Variants in SPTBN2 observed in about 807,000 individuals in gnomAD.
SPTBN2 encodes the protein spectrin beta chain, non-erythrocytic 2.
Under a neutral mutation model 284.2 loss-of-function variants are expected in SPTBN2, and 107 were observed. The ratio of observed to expected loss-of-function variants is 0.38; its 90% CI spans 0.32 to 0.44. The LOEUF (loss-of-function observed/expected upper bound fraction) is 0.44, where lower values mean the gene tolerates loss of function less well. Among genes scored for constraint, SPTBN2 ranks in the 20% least tolerant of loss-of-function variants. The pLI is 1.00. For missense variants in SPTBN2, 2,569 were observed against 3,287.1 expected (o/e 0.78, Z 5.34); for synonymous variants, 1,289 against 1,354.8 (o/e 0.95, Z 1.07).
At position 66,708,277 on chromosome 11, in the gene SPTBN2, G is replaced by A. The variant is rs1226702717; in HGVS notation, c.1214C>T (p.Ala405Val). 4.4e-6 allele frequency: 7 copies of A among 1,593,824 alleles called. No individual in the cohort carries two copies. Among genetic ancestry groups the A allele is most frequent in the East Asian group, 2.3e-5 (1 of 44,418 alleles). The change falls in exon 12 of 38, where the codon GCG becomes GTG. Residue 405 changes from alanine to valine, a missense_variant. Physicochemically the swap from Ala to Val is moderately conservative, Grantham distance 64. Coordinates refer to ENST00000533211, the MANE Select transcript of SPTBN2 (RefSeq NM_006946.4). This position sits in a 1 kb window ranked among gnomAD's most constrained non-coding sequence, Gnocchi z 4.4. ...CAGGGCCAGCTCACGCTCGTGCTCC[G>A]CCTTCTCCAGCCGCTCCCAAGCCTA... is the stretch of plus-strand genomic sequence containing the variant. ...INKAWERLEK[A>V]EHERELALRT...
intron 13 of SPTBN2, among the ~76,000 whole-genome samples, chr11:66,706,632 C>CTTTTTTTTTTTTT (rs1261017116): frequency 7.5e-6 from 1 of 133,410 alleles, no homozygotes; most frequent in Non-Finnish European, 1.6e-5. Context: ...TGCCTAGCTG[C>CTTTTTTTTTTTTT]TTTTTTTTTT....
In SPTBN2 at chr11:66,700,530, C is replaced by G. The variant is rs1194270615; in HGVS notation, c.3569G>C (p.Ser1190Thr). 6.2e-7 allele frequency: 1 copy of G among 1,603,716 alleles called. No homozygotes were observed. Among genetic ancestry groups the G allele is most frequent in the Non-Finnish European group, 8.5e-7 (1 of 1,179,986 alleles). Residue 1190 changes from serine to threonine, a missense_variant, in exon 17 of 38, where the codon AGC becomes ACC. Transcript: ENST00000533211. This position sits in a 1 kb window ranked among gnomAD's most constrained non-coding sequence, Gnocchi z 6.6. ...GACTTTGCCCTGGACTTTCACCTGG[C>G]TGCTGAGCACGCCCTCAGCCTGACG... is the stretch of plus-strand genomic sequence containing the variant. ...DARQAEGVLS[S>T]QEYVLSHTEM...
At position 66,688,219 on chromosome 11, in the gene SPTBN2, A is replaced by C. The variant is rs1565110331; in HGVS notation, c.6324T>G (p.Pro2108=). The part of the protein sequence containing the change: ...PPAPEPTASV[P]PGDLVGGQTA... ...TCTGGCCGCCCACCAGGTCCCCTGG[A>C]GGCACACTGGCTGTGGGTTCGGGAG... Residue 2108 remains proline (P), a synonymous_variant, in exon 32 of 38, where the codon CCT becomes CCG. Coordinates refer to ENST00000533211, the MANE Select transcript of SPTBN2 (RefSeq NM_006946.4). 6.2e-7 allele frequency: 1 copy of C among 1,613,726 alleles called. No individual in the cohort carries two copies. The highest frequency in any genetic ancestry group is 8.5e-7 in the Non-Finnish European group (1 of 1,180,018).
chr11:66,686,998 G>A lies in SPTBN2; in HGVS notation c.6892C>T (p.Leu2298=). ...AGCACTGTTCCCTGTTCCTACCCCA[G>A]CTTGAAGACATGTTTGCGCTTTCGG... is the stretch of plus-strand genomic sequence containing the variant. ...DYRKRKHVFK[L]GLQDGKEYLF... Residue 2298 remains leucine (L), a synonymous_variant, in exon 36 of 38, where the codon CTG becomes TTG. Coordinates refer to ENST00000533211, the MANE Select transcript of SPTBN2 (RefSeq NM_006946.4). The A allele has an allele frequency of 6.2e-7, 1 of 1,613,932 alleles. No homozygotes were observed. Among genetic ancestry groups the A allele is most frequent in the East Asian group, 2.2e-5 (1 of 44,878 alleles).
intron 21 of SPTBN2, among the ~76,000 whole-genome samples, chr11:66,695,338 C>T (rs935404040): frequency 6.6e-6 from 1 of 152,260 alleles, no homozygotes; most frequent in Non-Finnish European, 1.5e-5. Context: ...CCACTGCAGC[C>T]TCGACTCTCC....
chr11:66,744,550 T>A, exon 1 of SPTBN2: 1 of 202,358 alleles, frequency 4.9e-6, no homozygotes, highest in Non-Finnish European at 9.8e-6. Flanking sequence ...ACCTCCAGCC[T>A]TGGCCGCCTC....
At chr11:66,720,332 G>C (rs560893894) in intron 3 of SPTBN2, among the ~76,000 whole-genome samples, 7 of 152,334 alleles carry the variant, frequency 4.6e-5, no homozygotes, top group African/African-American at 1.7e-4. Context: ...GAGGAAGCCA[G>C]ACGGGGTAGG....
At chr11:66,686,911 C>T in intron 36 of SPTBN2, 83 bp downstream of exon 36, 1 of 1,588,226 alleles carries the variant, frequency 6.3e-7, no homozygotes, top group Non-Finnish European at 8.6e-7. Flanking sequence ...CAGGAACTCC[C>T]CTCCCTCTGG....
chr11:66,707,561 C>T lies in SPTBN2; in HGVS notation c.1608G>A (p.Val536=), dbSNP rs187814221. 5.0e-6 allele frequency: 8 copies of T among 1,611,718 alleles called. No homozygotes were observed. In the Admixed American group the frequency reaches 1.0e-4, roughly 20 times the overall value. Residue 536 remains valine, a synonymous_variant, in exon 13 of 38, where the codon GTG becomes GTA. Coordinates refer to ENST00000533211, the MANE Select transcript of SPTBN2 (RefSeq NM_006946.4). This position sits in a 1 kb window ranked among gnomAD's most constrained non-coding sequence, Gnocchi z 4.9. ...CCATGAGGTAGAGCAGGTCCTGGAACACCTTCTGCAGCTCCAGGTTGAGGA... is the reference window on the plus strand; with the variant it reads ...CCATGAGGTAGAGCAGGTCCTGGAATACCTTCTGCAGCTCCAGGTTGAGGA... ...RLLLNLELQK[V]FQDLLYLMDW...
chr11:66,738,598 C>T (rs1942871801), intron 1 of SPTBN2, among the ~76,000 whole-genome samples: 1 of 152,196 alleles, frequency 6.6e-6, no homozygotes, highest in Non-Finnish European at 1.5e-5. Flanking sequence ...TCACTATAAC[C>T]TGCACCTCTC....
intron 29 of SPTBN2, 93 bp from the exon 30 acceptor site, chr11:66,689,273 TTC>T: frequency 7.5e-7 from 1 of 1,330,264 alleles, no homozygotes; most frequent in Admixed American, 2.2e-5. Flanking sequence ...GGTGATTTCT[TTC>T]TTTCTTTCTT....
At chr11:66,686,524 A>G (rs1013899196) in intron 36 of SPTBN2, 84 bp from the exon 37 acceptor site, 8 of 1,471,756 alleles carry the variant, frequency 5.4e-6, no homozygotes, top group Non-Finnish European at 7.6e-6. Context: ...TCATGACCCA[A>G]CACCAGGCTG....
chr11:66,686,013 C>T lies in SPTBN2; in HGVS notation c.7031G>A (p.Ser2344Asn), dbSNP rs1454792892. The change falls in exon 38 of 38, where the codon AGC becomes AAC. Residue 2344 changes from serine to asparagine, a missense_variant. By Grantham distance (46) the Ser-to-Asn change is conservative. Transcript: ENST00000533211. The part of the protein sequence containing the change: ...SGEPEEPVVP[S>N]TTRGMTRAMT... ...GGCCCGGGTCATGCCCCGGGTGGTG[C>T]TGGGCACCACCGGCTCTTCAGGCTC... 6.2e-7 allele frequency: 1 copy of T among 1,613,598 alleles called. No homozygotes were observed. The highest frequency in any genetic ancestry group is 8.5e-7 in the Non-Finnish European group (1 of 1,179,988).
chr11:66,691,193 T>G lies in SPTBN2; in HGVS notation c.5565+91A>C. On this transcript the variant is annotated intron_variant, in intron 27 of 37. Coordinates refer to ENST00000533211, the MANE Select transcript of SPTBN2 (RefSeq NM_006946.4). The surrounding 1 kb of genome is among the most constrained non-coding windows in gnomAD (Gnocchi z 8.0). ...AAGAGTGCCGTCCTCCCAGCATTTC[T>G]GAGCTCTACCCTAGCTCCTGGGAAC... The G allele has an allele frequency of 2.2e-5, 32 of 1,453,194 alleles. No homozygotes were observed. Among genetic ancestry groups the G allele is most frequent in the Middle Eastern group, 2.2e-4 (1 of 4,470 alleles). The allele number at this position is 1,453,194 out of a possible 1,614,324, so 90.0% of individuals were successfully genotyped here.
At chr11:66,717,964 A>G (rs1411880712) in intron 3 of SPTBN2, among the ~76,000 whole-genome samples, 1 of 151,970 alleles carries the variant, frequency 6.6e-6, no homozygotes. Context: ...TTCCACACAC[A>G]CTGCCCCCGT....
intron 13 of SPTBN2, among the ~76,000 whole-genome samples, chr11:66,706,898 C>T (rs573779221): frequency 6.6e-6 from 1 of 152,384 alleles, no homozygotes; most frequent in South Asian, 2.1e-4. Flanking sequence ...TCCCAAAGAG[C>T]TGGGATTACA....
rs773989387 is a variant in SPTBN2 at position 66,704,718 on chromosome 11, G to T, written c.2558C>A (p.Ala853Glu). 1.2e-6 allele frequency: 2 copies of T among 1,602,722 alleles called. No individual in the cohort carries two copies. Among genetic ancestry groups the T allele is most frequent in the Non-Finnish European group, 1.7e-6 (2 of 1,175,566 alleles). Residue 853 changes from alanine (A) to glutamate (E), a missense_variant, in exon 15 of 38, where the codon GCG (alanine) becomes GAG (glutamate). This residue lies in a region of SPTBN2 where 1,012 missense variants were observed against 1,248.9 expected (regional missense o/e 0.81). Coordinates refer to ENST00000533211, the MANE Select transcript of SPTBN2 (RefSeq NM_006946.4). ...GGCCTCGCTGAGCATGGTGTAGAGC[G>T]CCAGGGCTGCCTCCAAGGCCCGCGC... ...ERARALEAAL[A>E]LYTMLSEAGA...
intron 21 of SPTBN2, 63 bp downstream of exon 21, chr11:66,696,214 T>G: frequency 6.3e-7 from 1 of 1,597,158 alleles, no homozygotes; most frequent in Non-Finnish European, 8.5e-7. Context: ...GCCTCCCAAA[T>G]CTTGAAAGCT....
rs794727404 is a variant in SPTBN2 at position 66,692,662 on chromosome 11, C to T, written c.5064G>A (p.Glu1688=). The T allele has an allele frequency of 2.5e-6, 4 of 1,603,932 alleles. No individual in the cohort carries two copies. The highest frequency in any genetic ancestry group is 3.4e-6 in the Non-Finnish European group (4 of 1,179,920). ...GLKELAGERR[E]RLQEHLRLCQ... is the part of the protein sequence containing the mutation. ...ACAGCCGGAGGTGCTCCTGCAGGCG[C>T]TCCCGCCGCTCTCCAGCCAGCTCCT... The change falls in exon 26 of 38, where the codon GAG becomes GAA. Residue 1688 remains glutamate, a synonymous_variant. Coordinates refer to ENST00000533211, the MANE Select transcript of SPTBN2 (RefSeq NM_006946.4).
Sources: gnomAD v4.1 joint callset for allele counts (sites outside exome capture counted in the v4.1 genomes callset) on GRCh38, gnomAD v4.1.1 for gene constraint, gnomAD v4.1.1 regional missense constraint, Gnocchi (gnomAD v3.1) non-coding constraint, MANE v1.5 for transcripts, NCBI Gene and HGNC (gene_info 2026-07-23, HGNC 2026-07-21) for gene names.